The following HIPK3 variants were observed in gnomAD, a reference collection of about 807,000 sequenced individuals.
The protein encoded by HIPK3 is homeodomain interacting protein kinase 3.
HIPK3 carries 47 observed loss-of-function variants against 124.2 expected under a neutral mutation model. The observed-to-expected ratio is 0.38, with a 90% CI of 0.30 to 0.48. HIPK3 has a LOEUF of 0.48. Among genes scored for constraint, HIPK3 ranks in the 20% least tolerant of loss-of-function variants. The pLI is 0.98. For synonymous variants in HIPK3, 482 were observed against 515.2 expected, an observed-to-expected ratio of 0.94 and a Z score of 0.87; for missense variants, 1,286 against 1,454.3, an observed-to-expected ratio of 0.88 and a Z score of 1.88.
chr11:33,301,108 G>A (rs986243704), intron 2 of HIPK3, among the ~76,000 whole-genome samples: 1 of 152,052 alleles, frequency 6.6e-6, no homozygotes, highest in Non-Finnish European at 1.5e-5. Context: ...TCTTTCTTAT[G>A]TGTAATCCCT....
At chr11:33,258,430 G>A (rs1850731185) in intron 1 of HIPK3, 4 of 985,602 alleles carry the variant, frequency 4.1e-6, no homozygotes, top group Non-Finnish European at 4.8e-6. Context: ...GCGTCGCGGA[G>A]CAGCGGGTTT....
upstream of HIPK3, among the ~76,000 whole-genome samples, chr11:33,257,041 T>C (rs907661955): frequency 6.6e-6 from 1 of 152,112 alleles, no homozygotes; most frequent in African/African-American, 2.4e-5. Context: ...TTTCTTCGGG[T>C]ATTGGGATCT....
At chr11:33,346,523 A>G (rs916119426) in intron 8 of HIPK3, among the ~76,000 whole-genome samples, 1 of 152,222 alleles carries the variant, frequency 6.6e-6, no homozygotes, top group East Asian at 1.9e-4. Flanking sequence ...TTTTGGTGAC[A>G]GGAGCATAAG....
intron 1 of HIPK3, among the ~76,000 whole-genome samples, chr11:33,263,379 G>A (rs771764782): frequency 7.2e-5 from 11 of 152,120 alleles, no homozygotes; most frequent in Non-Finnish European, 1.0e-4. Flanking sequence ...GCAGTGGTGC[G>A]ATCTTGGCTC....
chr11:33,327,082 G>GA lies in HIPK3; in HGVS notation c.1098-1421dup, dbSNP rs559854229. Among the ~76,000 whole-genome samples the GA allele has an allele frequency of 5.5e-3, 840 of 151,884 alleles. 10 individuals carry two copies. The highest frequency in any genetic ancestry group is 0.019 in the African/African-American group (797 of 41,416). Reference sequence around the variant, plus strand: ...TCTGTACTCATACAGGTAAATAAATGAAAAAAATGAAAGTTTGATAAGAAA... The same window carrying GA: ...TCTGTACTCATACAGGTAAATAAATGAAAAAAAATGAAAGTTTGATAAGAAA... On this transcript the variant is annotated intron_variant, in intron 2 of 16. Transcript: ENST00000303296.
Position 33,352,220 on chromosome 11 carries a change from A to G in HIPK3, c.3126A>G (p.Gln1042=), listed in dbSNP as rs747434467. The G allele has an allele frequency of 1.2e-6, 2 of 1,614,084 alleles. No homozygotes were observed. The highest frequency in any genetic ancestry group is 2.2e-5 in the East Asian group (1 of 44,874). The change falls in exon 16 of 17, where the codon CAA becomes CAG. Residue 1042 remains glutamine, a synonymous_variant. Coordinates refer to ENST00000303296, the MANE Select transcript of HIPK3 (RefSeq NM_005734.5). ...NQPSAVGTRQ[Q]KLTSAFQQQH... ...CTTCTGCAGTGGGTACTCGTCAGCA[A>G]AAATTGACATCAGCATTCCAGCAGC...
At chr11:33,317,466 TA>T (rs1023806385) in intron 2 of HIPK3, among the ~76,000 whole-genome samples, 6 of 151,886 alleles carry the variant, frequency 4.0e-5, no homozygotes, top group Admixed American at 3.9e-4. Context: ...GGAGTCTCCA[TA>T]TATTATCTGA....
intron 2 of HIPK3, 99 bp from the exon 3 acceptor site, chr11:33,328,411 G>T: frequency 8.6e-7 from 1 of 1,159,158 alleles, no homozygotes; most frequent in Non-Finnish European, 1.3e-6. Context: ...CATAGAATGT[G>T]ATACCTCTGT....
chr11:33,265,695 C>T (rs1224223413), intron 1 of HIPK3, among the ~76,000 whole-genome samples: 1 of 142,756 alleles, frequency 7.0e-6, no homozygotes, highest in Non-Finnish European at 1.5e-5. Context: ...ATTACTTGAG[C>T]CCAGGAGGTC....
At chr11:33,299,062 G>C (rs955087513) in intron 2 of HIPK3, among the ~76,000 whole-genome samples, 1 of 151,890 alleles carries the variant, frequency 6.6e-6, no homozygotes, top group Non-Finnish European at 1.5e-5. Context: ...GGCCAGGCTG[G>C]TCTTGAACCC....
chr11:33,295,573 A>G (rs1321016799), intron 2 of HIPK3, among the ~76,000 whole-genome samples: 1 of 152,216 alleles, frequency 6.6e-6, no homozygotes, highest in Non-Finnish European at 1.5e-5. Flanking sequence ...CATAGTACCC[A>G]GGTTAAGGCC....
intron 1 of HIPK3, among the ~76,000 whole-genome samples, chr11:33,267,261 T>G (rs1850992052): frequency 6.6e-6 from 1 of 151,480 alleles, no homozygotes; most frequent in African/African-American, 2.4e-5. Flanking sequence ...TACAGGCAAC[T>G]GCCACCACGC....
intron 2 of HIPK3, among the ~76,000 whole-genome samples, chr11:33,297,804 T>TC (rs1851883721): frequency 6.8e-6 from 1 of 146,042 alleles, no homozygotes; most frequent in Non-Finnish European, 1.5e-5. Context: ...TTTTTTTTTT[T>TC]CTTGAGATGG....
intron 1 of HIPK3, among the ~76,000 whole-genome samples, chr11:33,261,021 A>G (rs933271152): frequency 1.3e-5 from 2 of 150,642 alleles, no homozygotes; most frequent in Non-Finnish European, 3.0e-5. Flanking sequence ...GGGATGTAGT[A>G]TTTCTCTTTT....
At chr11:33,288,661 G>A (rs78323136) in intron 2 of HIPK3, among the ~76,000 whole-genome samples, 13 of 152,278 alleles carry the variant, frequency 8.5e-5, no homozygotes, top group African/African-American at 3.1e-4. Context: ...AGCCTGAAGT[G>A]CAATAGATAG....
At position 33,356,163 on chromosome 11, in the gene HIPK3, A is replaced by T. The variant is rs926403381; in HGVS notation, c.*2595A>T. 2 of 152,010 alleles carry T rather than the reference A, an allele frequency of 1.3e-5. No homozygotes were observed. The highest frequency in any genetic ancestry group is 4.8e-5 in the African/African-American group (2 of 41,436). 9.4% of individuals were successfully genotyped at this position (152,010 alleles called of 1,614,324 possible). On this transcript the variant is annotated 3_prime_UTR_variant, in exon 17 of 17. Coordinates refer to ENST00000303296, the MANE Select transcript of HIPK3 (RefSeq NM_005734.5). The stretch of plus-strand genomic sequence containing the variant: ...GTATTTTTTGTCTTTAATTTCCAAG[A>T]CTTAAAGCAGTCTTGTTAAATTGAC...
intron 8 of HIPK3, among the ~76,000 whole-genome samples, chr11:33,344,977 G>C (rs1323019031): frequency 6.6e-6 from 1 of 152,068 alleles, no homozygotes; most frequent in African/African-American, 2.4e-5. Flanking sequence ...TTATTGGGCA[G>C]CTATTTGAGA....
intron 2 of HIPK3, among the ~76,000 whole-genome samples, chr11:33,325,585 C>G (rs187182696): frequency 6.6e-6 from 1 of 152,284 alleles, no homozygotes; most frequent in Admixed American, 6.5e-5. Context: ...CGTTCTCTTT[C>G]TTTCTGCCTA....
In HIPK3 at chr11:33,291,459, T is replaced by C. The variant is rs572000824; in HGVS notation, c.1097+3948T>C. On this transcript the variant is annotated intron_variant, in intron 2 of 16. Transcript: ENST00000303296. ...TTCTTTGTGCAACACAGAAGTGTAG[T>C]AGGGATATCTTAAAATAGACAGGGG... is the stretch of plus-strand genomic sequence containing the variant. 4.5e-4 allele frequency among the ~76,000 whole-genome samples: 68 copies of C among 152,158 alleles called. 1 individual carries two copies. The highest frequency in any genetic ancestry group is 8.7e-4 in the Non-Finnish European group (59 of 68,024).
Sources: gnomAD v4.1 joint callset for allele counts (sites outside exome capture counted in the v4.1 genomes callset) on GRCh38, gnomAD v4.1.1 for gene constraint, MANE v1.5 for transcripts, NCBI Gene and HGNC (gene_info 2026-07-23, HGNC 2026-07-21) for gene names.